Variants in NTRK3 observed in about 807,000 individuals in gnomAD.
NTRK3 encodes neurotrophic receptor tyrosine kinase 3, also known as NT-3 growth factor receptor.
NTRK3 carries 24 observed loss-of-function variants against 91.7 expected under a neutral mutation model. That is an observed-to-expected ratio of 0.26 (90% CI 0.19 to 0.37). NTRK3 has a LOEUF of 0.37. Ranked by LOEUF, NTRK3 falls within the 10% of genes least tolerant of loss-of-function variation. The pLI is 1.00. For missense variants in NTRK3, 880 were observed against 1,068.9 expected (o/e 0.82, Z 2.46); for synonymous variants, 483 against 404.0 (o/e 1.20, Z -2.34).
chr15:88,062,424 A>G (rs1053732576), intron 13 of NTRK3, among the ~76,000 whole-genome samples: 9 of 152,122 alleles, frequency 5.9e-5, no homozygotes, highest in Non-Finnish European at 8.8e-5. Flanking sequence ...CTTGCAGCCA[A>G]TGGGATATAA....
Position 87,929,500 on chromosome 15 carries a change from C to G in NTRK3, c.1890-66G>C, listed in dbSNP as rs2141918476. On this transcript the variant is annotated intron_variant, in intron 16 of 18. Transcript: ENST00000394480. ...CAGGAGATCAAGGAGAAAGGCCTTC[C>G]TGGGTCCCTGCCCTCTGGAATGCCC... 3.8e-6 allele frequency: 6 copies of G among 1,587,980 alleles called. No homozygotes were observed. The South Asian group carries it at 6.8e-5, about 18-fold the overall frequency.
intron 17 of NTRK3, among the ~76,000 whole-genome samples, chr15:87,919,544 A>T (rs1404684800): frequency 6.6e-6 from 1 of 152,192 alleles, no homozygotes; most frequent in African/African-American, 2.4e-5. Context: ...TGTCCCCAAC[A>T]TTACCACCAT....
intron 3 of NTRK3, among the ~76,000 whole-genome samples, chr15:88,211,588 G>T (rs770753508): frequency 2.0e-5 from 3 of 152,188 alleles, no homozygotes; most frequent in Non-Finnish European, 2.9e-5. Context: ...AGCATAATTA[G>T]GAATGTAAGC....
At chr15:87,989,462 T>C (rs1045403698) in intron 14 of NTRK3, among the ~76,000 whole-genome samples, 2 of 129,834 alleles carry the variant, frequency 1.5e-5, no homozygotes, top group African/African-American at 5.1e-5. Context: ...ATGAGAACAC[T>C]TGGACACAGG....
chr15:88,016,777 T>C (rs1290458748), intron 14 of NTRK3, among the ~76,000 whole-genome samples: 6 of 152,206 alleles, frequency 3.9e-5, no homozygotes, highest in Non-Finnish European at 7.3e-5. Context: ...AGAACGTCAG[T>C]AATTTCTTTA....
In NTRK3 at chr15:87,953,134, G is replaced by A. The variant is rs540244764; in HGVS notation, c.1586-12381C>T. Among the ~76,000 whole-genome samples, 3 of 152,304 alleles carry A rather than the reference G, an allele frequency of 2.0e-5. No individual in the cohort carries two copies. The East Asian group carries it at 5.8e-4, about 29-fold the overall frequency. ...CACCAGATGTTAAACGCACTGGCCG[G>A]TGGTTTTCTGGCCTGTCTCCTGAAC... On this transcript the variant is annotated intron_variant, in intron 14 of 18. Coordinates refer to ENST00000394480, the Ensembl canonical transcript of NTRK3.
chr15:87,905,239 T>C (rs2066694117), intron 17 of NTRK3, among the ~76,000 whole-genome samples: 1 of 152,200 alleles, frequency 6.6e-6, no homozygotes, highest in Non-Finnish European at 1.5e-5. Context: ...GACCCTGGGA[T>C]AAATATGCTC....
chr15:87,997,022 G>A (rs965291033), intron 14 of NTRK3, among the ~76,000 whole-genome samples: 2 of 152,216 alleles, frequency 1.3e-5, no homozygotes, highest in African/African-American at 4.8e-5. Flanking sequence ...AGAGTAAGAT[G>A]TAATTGCTGT....
chr15:88,181,028 G>A (rs1044476877), intron 5 of NTRK3, among the ~76,000 whole-genome samples: 1 of 152,164 alleles, frequency 6.6e-6, no homozygotes, highest in Non-Finnish European at 1.5e-5. Context: ...GCCTATGAGA[G>A]CCACTTGACT....
intron 13 of NTRK3, chr15:88,098,486 T>C (rs972412939): frequency 4.7e-6 from 1 of 211,334 alleles, no homozygotes; most frequent in Non-Finnish European, 9.6e-6. Flanking sequence ...TTAAGGCGCT[T>C]GGACAAGGAT....
intron 14 of NTRK3, among the ~76,000 whole-genome samples, chr15:87,958,030 C>G (rs1361516029): frequency 1.3e-5 from 2 of 152,076 alleles, no homozygotes; most frequent in Non-Finnish European, 2.9e-5. Context: ...TCTTTTAGAG[C>G]AGAAATGTCT....
At chr15:87,986,043 C>T (rs1186467310) in intron 14 of NTRK3, among the ~76,000 whole-genome samples, 1 of 152,154 alleles carries the variant, frequency 6.6e-6, no homozygotes, top group Non-Finnish European at 1.5e-5. Context: ...CTTCATAAGC[C>T]ATGGAGCAAT....
At chr15:87,968,980 C>T (rs2073031569) in intron 14 of NTRK3, among the ~76,000 whole-genome samples, 1 of 152,116 alleles carries the variant, frequency 6.6e-6, no homozygotes, top group South Asian at 2.1e-4. Flanking sequence ...AACCTTTTAA[C>T]ATTTCTTTAC....
At chr15:88,227,540 G>T (rs2050781275) in intron 3 of NTRK3, among the ~76,000 whole-genome samples, 1 of 152,160 alleles carries the variant, frequency 6.6e-6, no homozygotes, top group Non-Finnish European at 1.5e-5. Flanking sequence ...AGGTGAAGGG[G>T]CAGCAAGAAG....
chr15:88,126,601 T>C (rs1159973686), intron 12 of NTRK3, among the ~76,000 whole-genome samples: 1 of 152,206 alleles, frequency 6.6e-6, no homozygotes, highest in East Asian at 1.9e-4. Context: ...CACGATTCAA[T>C]GTTCTGAGCC....
At chr15:87,901,371 G>C (rs2066443699) in intron 17 of NTRK3, among the ~76,000 whole-genome samples, 1 of 152,230 alleles carries the variant, frequency 6.6e-6, no homozygotes, top group Non-Finnish European at 1.5e-5. Flanking sequence ...TGGACTTCTT[G>C]TTTGTAGGCT....
At chr15:87,959,589 C>A (rs79050673) in intron 14 of NTRK3, among the ~76,000 whole-genome samples, 1 of 152,298 alleles carries the variant, frequency 6.6e-6, no homozygotes, top group African/African-American at 2.4e-5. Context: ...ATAGATTCTA[C>A]CAGCAAATAC....
chr15:87,866,566 T>G, exon 19 of NTRK3: 1 of 178,290 alleles, frequency 5.6e-6, no homozygotes, highest in Non-Finnish European at 1.2e-5. Context: ...ACATTATGAA[T>G]TTGTTTTTAA....
chr15:88,126,240 G>T, intron 13 of NTRK3, 31 bp downstream of exon 13: 1 of 1,447,680 alleles, frequency 6.9e-7, no homozygotes, highest in South Asian at 1.1e-5. Flanking sequence ...TTCCCCCCAT[G>T]ACGCCCTTGA....
Sources: allele counts gnomAD v4.1 joint callset (sites outside exome capture counted in the v4.1 genomes callset), GRCh38; gene constraint gnomAD v4.1.1; transcripts MANE v1.5; gene names NCBI Gene and HGNC (gene_info 2026-07-23, HGNC 2026-07-21).